The following SAMSN1 variants were observed in gnomAD, a reference collection of about 807,000 sequenced individuals.
The protein encoded by SAMSN1 is SAM domain, SH3 domain and nuclear localization signals 1, also known as SAM domain-containing protein SAMSN-1.
Under a neutral mutation model 42.0 loss-of-function variants are expected in SAMSN1, and 31 were observed. The observed-to-expected ratio is 0.74, with a 90% CI of 0.55 to 1.00. The LOEUF (loss-of-function observed/expected upper bound fraction) is 1.00. SAMSN1 is among the 50% of genes least tolerant of loss of function. SAMSN1 has a pLI of 0.00. For synonymous variants in SAMSN1, 178 were observed against 151.9 expected (o/e 1.17, Z -1.26); for missense variants, 464 against 439.4 (o/e 1.06, Z -0.50).
intron 3 of SAMSN1, chr21:14,615,863 CAAAAAAAAAAAAAAA>C (rs34255188): frequency 9.0e-6 from 1 of 111,698 alleles, no homozygotes; most frequent in Non-Finnish European, 1.7e-5. Flanking sequence ...ATGACAGCTG[CAAAAAAAAAAAAAAA>C]AAAAAAAAAA....
At chr21:14,654,514 T>TC (rs1218645616) in intron 1 of SAMSN1, among the ~76,000 whole-genome samples, 1 of 151,958 alleles carries the variant, frequency 6.6e-6, no homozygotes, top group Non-Finnish European at 1.5e-5. Context: ...GCAATCGATG[T>TC]CCTCTACATG....
chr21:14,604,469 C>G (rs1413564802), intron 5 of SAMSN1, among the ~76,000 whole-genome samples: 1 of 152,150 alleles, frequency 6.6e-6, no homozygotes, highest in Non-Finnish European at 1.5e-5. Flanking sequence ...ATCCCAGCTG[C>G]TTGGGACGCT....
At chr21:14,603,759 T>C (rs1982497646) in intron 5 of SAMSN1, among the ~76,000 whole-genome samples, 1 of 152,164 alleles carries the variant, frequency 6.6e-6, no homozygotes, top group Non-Finnish European at 1.5e-5. Context: ...GAATCAAATA[T>C]ATAACTAAAT....
rs767984377 is a variant in SAMSN1 at position 14,510,297 on chromosome 21, G to A, written c.561+13C>T. 3.7e-6 allele frequency: 6 copies of A among 1,612,706 alleles called. No homozygotes were observed. The highest frequency in any genetic ancestry group is 5.1e-6 in the Non-Finnish European group (6 of 1,178,790). ...ACAGACCATTCAGAAGGTGGGATAT[G>A]ATGTCCTCTCACCTTGATTTTGAGG... On this transcript the variant is annotated intron_variant, in intron 5 of 7. Transcript: ENST00000400566.
rs765212254 is a variant in SAMSN1 at position 14,502,498 on chromosome 21, T to TGA, written c.562-1765_562-1764dup. 2.7e-4 allele frequency among the ~76,000 whole-genome samples: 41 copies of TGA among 152,316 alleles called. 1 individual carries two copies. The highest frequency in any genetic ancestry group is 4.1e-4 in the South Asian group (2 of 4,830). ...TCAATTTCATTTTGGATAAGACCCT[T>TGA]GATGGAAATAATAGTATTTCAATTT... On this transcript the variant is annotated intron_variant, in intron 5 of 7. Coordinates refer to ENST00000400566, the MANE Select transcript of SAMSN1 (RefSeq NM_022136.5).
chr21:14,599,253 G>A (rs1369707316), intron 6 of SAMSN1, among the ~76,000 whole-genome samples: 2 of 152,152 alleles, frequency 1.3e-5, no homozygotes, highest in South Asian at 2.1e-4. Flanking sequence ...ATCAGATGGA[G>A]GTAACTGGAT....
chr21:14,562,858 G>A (rs1980989474), intron 2 of SAMSN1, among the ~76,000 whole-genome samples: 2 of 152,120 alleles, frequency 1.3e-5, no homozygotes, highest in Admixed American at 1.3e-4. Flanking sequence ...TTCTTCCAAT[G>A]TAATGAACTG....
intron 7 of SAMSN1, among the ~76,000 whole-genome samples, chr21:14,491,674 T>C (rs188680930): frequency 6.6e-6 from 1 of 152,350 alleles, no homozygotes; most frequent in East Asian, 1.9e-4. Context: ...CAACTCTAAC[T>C]GCATCTTTGG....
At chr21:14,534,403 G>A (rs1161672393) in intron 1 of SAMSN1, among the ~76,000 whole-genome samples, 1 of 152,114 alleles carries the variant, frequency 6.6e-6, no homozygotes, top group Non-Finnish European at 1.5e-5. Flanking sequence ...GTTCTTGATG[G>A]TGAATCTAGT....
At chr21:14,555,754 A>G (rs1433341551) in intron 2 of SAMSN1, among the ~76,000 whole-genome samples, 4 of 152,202 alleles carry the variant, frequency 2.6e-5, no homozygotes, top group African/African-American at 4.8e-5. Flanking sequence ...AAATCTTCAA[A>G]ATAACTTTTA....
chr21:14,638,794 C>T (rs886432002), intron 2 of SAMSN1, among the ~76,000 whole-genome samples: 1 of 152,170 alleles, frequency 6.6e-6, no homozygotes, highest in Non-Finnish European at 1.5e-5. Context: ...GAAATAGAGA[C>T]TGCAAGACTT....
At chr21:14,567,282 G>T (rs1600934458) in intron 2 of SAMSN1, among the ~76,000 whole-genome samples, 1 of 140,708 alleles carries the variant, frequency 7.1e-6, no homozygotes, top group East Asian at 2.2e-4. Flanking sequence ...TTTTAATCCG[G>T]CTTGGACGGC....
intron 2 of SAMSN1, among the ~76,000 whole-genome samples, chr21:14,625,699 C>T (rs1468493578): frequency 6.6e-6 from 1 of 152,208 alleles, no homozygotes; most frequent in African/African-American, 2.4e-5. Context: ...AATGGCCACA[C>T]TGCCCAAAGT....
intron 2 of SAMSN1, among the ~76,000 whole-genome samples, chr21:14,618,468 A>C (rs1226438653): frequency 6.6e-6 from 1 of 152,196 alleles, no homozygotes; most frequent in Non-Finnish European, 1.5e-5. Context: ...CTGGTTAAGC[A>C]ATTTTTAGTA....
chr21:14,657,093 G>C (rs1236738522), intron 1 of SAMSN1, among the ~76,000 whole-genome samples: 1 of 151,792 alleles, frequency 6.6e-6, no homozygotes, highest in African/African-American at 2.4e-5. Context: ...TAACAGCACA[G>C]TAGGGTGTCA....
At chr21:14,643,212 C>A in intron 1 of SAMSN1, 1 of 677,626 alleles carries the variant, frequency 1.5e-6, no homozygotes, top group Non-Finnish European at 2.7e-6. Context: ...TATACACCCA[C>A]CTTTATATAG....
Position 14,627,363 on chromosome 21 carries a change from G to A in SAMSN1, c.157-11347C>T, listed in dbSNP as rs530619936. Among the ~76,000 whole-genome samples the A allele has an allele frequency of 5.9e-5, 9 of 151,930 alleles. No individual in the cohort carries two copies. In the East Asian group the frequency reaches 1.4e-3, roughly 23 times the overall value. ...CATAAATGCATATACCCCAATAAAAGTCATATAAACATTTAGTCTTCCAAA... is the reference window on the plus strand; with the variant it reads ...CATAAATGCATATACCCCAATAAAAATCATATAAACATTTAGTCTTCCAAA... On this transcript the variant is annotated intron_variant, in intron 2 of 15. Coordinates refer to the SAMSN1 transcript ENST00000647101.
chr21:14,526,008 G>A (rs1978828526), intron 1 of SAMSN1, among the ~76,000 whole-genome samples: 1 of 152,042 alleles, frequency 6.6e-6, no homozygotes, highest in African/African-American at 2.4e-5. Context: ...TGGGATTACA[G>A]GCTTGCACCC....
chr21:14,599,095 G>T (rs1982357025), intron 6 of SAMSN1, among the ~76,000 whole-genome samples: 1 of 152,094 alleles, frequency 6.6e-6, no homozygotes, highest in Non-Finnish European at 1.5e-5. Flanking sequence ...AATACTCATG[G>T]CTATAATTTG....
Sources: gnomAD v4.1 joint callset for allele counts (sites outside exome capture counted in the v4.1 genomes callset) on GRCh38, gnomAD v4.1.1 for gene constraint, MANE v1.5 for transcripts, NCBI Gene and HGNC (gene_info 2026-07-23, HGNC 2026-07-21) for gene names.